The following GPATCH2 variants were observed in gnomAD, a reference collection of about 807,000 sequenced individuals.
The protein encoded by GPATCH2 is G patch domain-containing protein 2.
Under a neutral mutation model 58.0 loss-of-function variants are expected in GPATCH2, and 51 were observed. The observed-to-expected ratio is 0.88, with a 90% CI of 0.70 to 1.11. The LOEUF is 1.11. GPATCH2 is among the 50% of genes most tolerant of loss of function. The pLI, the probability that GPATCH2 is intolerant of heterozygous loss-of-function variation, is 0.00. For missense variants in GPATCH2, 625 were observed against 652.2 expected (o/e 0.96, Z 0.45); for synonymous variants, 222 against 218.5 (o/e 1.02, Z -0.14).
At position 217,620,186 on chromosome 1, in the gene GPATCH2, C is replaced by T; in HGVS notation, c.370G>A (p.Ala124Thr). The T allele has an allele frequency of 6.2e-7, 1 of 1,613,582 alleles. No individual in the cohort carries two copies. Among genetic ancestry groups the T allele is most frequent in the Non-Finnish European group, 8.5e-7 (1 of 1,179,900 alleles). The part of the protein sequence containing the change: ...HSDSDDQMLV[A>T]KRRPSSNLNN... ...AAGTTTGATGACGGCCTGCGCTTTG[C>T]TACTAACATTTGGTCATCAGAGTCA... The change falls in exon 2 of 10, where the codon GCA (alanine) becomes ACA (threonine). Residue 124 changes from alanine to threonine, a missense_variant. Coordinates refer to ENST00000366935, the MANE Select transcript of GPATCH2 (RefSeq NM_018040.5).
intron 5 of GPATCH2, among the ~76,000 whole-genome samples, chr1:217,543,268 C>A (rs1664845091): frequency 7.6e-6 from 1 of 132,022 alleles, no homozygotes; most frequent in Non-Finnish European, 1.6e-5. Flanking sequence ...ATGATGCGAA[C>A]GTTTTTTTTT....
intron 9 of GPATCH2, among the ~76,000 whole-genome samples, chr1:217,440,016 G>A (rs1438841238): frequency 6.6e-6 from 1 of 152,220 alleles, no homozygotes; most frequent in Non-Finnish European, 1.5e-5. Context: ...CTCATTTTAT[G>A]AGGCCAGGAT....
chr1:217,613,185 C>T (rs2102821313), intron 3 of GPATCH2, among the ~76,000 whole-genome samples: 1 of 152,144 alleles, frequency 6.6e-6, no homozygotes, highest in South Asian at 2.1e-4. Flanking sequence ...AAAGTATCAA[C>T]TTTAAAGTCC....
At chr1:217,549,076 C>T (rs1182410077) in intron 5 of GPATCH2, among the ~76,000 whole-genome samples, 1 of 152,074 alleles carries the variant, frequency 6.6e-6, no homozygotes, top group African/African-American at 2.4e-5. Context: ...TTCTTTTCCT[C>T]CTTCTATACA....
chr1:217,554,732 G>A (rs1665537166), intron 5 of GPATCH2, among the ~76,000 whole-genome samples: 1 of 152,070 alleles, frequency 6.6e-6, no homozygotes, highest in Non-Finnish European at 1.5e-5. Context: ...TAAAAAACAA[G>A]TACTTTGATA....
chr1:217,572,056 GAA>G (rs1253902330), intron 5 of GPATCH2, among the ~76,000 whole-genome samples: 13 of 151,902 alleles, frequency 8.6e-5, no homozygotes, highest in Admixed American at 8.5e-4. Flanking sequence ...GAGAGGGAGA[GAA>G]ATTAGGTGAT....
chr1:217,567,570 T>C (rs751075382), intron 5 of GPATCH2, among the ~76,000 whole-genome samples: 2 of 152,244 alleles, frequency 1.3e-5, no homozygotes, highest in Non-Finnish European at 2.9e-5. Context: ...ATTTGCTTTA[T>C]GAACACACAG....
chr1:217,559,219 A>G (rs1484443265), intron 5 of GPATCH2, among the ~76,000 whole-genome samples: 1 of 151,952 alleles, frequency 6.6e-6, no homozygotes, highest in Non-Finnish European at 1.5e-5. Flanking sequence ...TTTACGTACT[A>G]GATCTAGAAT....
chr1:217,500,038 T>A (rs1036168795), intron 6 of GPATCH2, among the ~76,000 whole-genome samples: 2 of 152,152 alleles, frequency 1.3e-5, no homozygotes, highest in African/African-American at 4.8e-5. Flanking sequence ...AATTATAGCA[T>A]CTTTTTGATT....
chr1:217,595,751 C>T (rs752922318), intron 5 of GPATCH2, among the ~76,000 whole-genome samples: 1 of 152,112 alleles, frequency 6.6e-6, no homozygotes, highest in Non-Finnish European at 1.5e-5. Flanking sequence ...CCACGCATCT[C>T]AGCCTCCCAA....
chr1:217,601,515 T>C (rs1383543203), intron 5 of GPATCH2, among the ~76,000 whole-genome samples: 1 of 152,094 alleles, frequency 6.6e-6, no homozygotes, highest in Non-Finnish European at 1.5e-5. Flanking sequence ...CTATCCATAC[T>C]GACATTTAAA....
At chr1:217,557,259 T>C (rs1216765849) in intron 5 of GPATCH2, among the ~76,000 whole-genome samples, 1 of 151,926 alleles carries the variant, frequency 6.6e-6, no homozygotes, top group Non-Finnish European at 1.5e-5. Context: ...ATACAAAAAT[T>C]GGCTGGGCGT....
intron 5 of GPATCH2, among the ~76,000 whole-genome samples, chr1:217,525,756 T>C (rs1393179515): frequency 6.6e-6 from 1 of 152,130 alleles, no homozygotes; most frequent in Non-Finnish European, 1.5e-5. Flanking sequence ...AATACGGTAG[T>C]GAAGATAATG....
intron 5 of GPATCH2, among the ~76,000 whole-genome samples, chr1:217,585,405 G>A (rs1288576581): frequency 1.3e-5 from 2 of 152,100 alleles, no homozygotes; most frequent in East Asian, 1.9e-4. Flanking sequence ...GGCAAATCAC[G>A]AGGTCGAGAG....
intron 5 of GPATCH2, among the ~76,000 whole-genome samples, chr1:217,534,993 C>T (rs1180874203): frequency 1.3e-5 from 2 of 152,144 alleles, no homozygotes; most frequent in East Asian, 1.9e-4. Flanking sequence ...GTAAAACCTG[C>T]TTTATAGGGC....
chr1:217,474,894 TACTA>T (rs540730120), intron 8 of GPATCH2, among the ~76,000 whole-genome samples: 2 of 152,088 alleles, frequency 1.3e-5, no homozygotes, highest in Non-Finnish European at 2.9e-5. Context: ...CTATTAAAAA[TACTA>T]AGAAAGAAAA....
Position 217,605,768 on chromosome 1 carries a change from T to C in GPATCH2, c.1098+4553A>G, listed in dbSNP as rs1005785788. On this transcript the variant is annotated intron_variant, in intron 5 of 9. Transcript: ENST00000366935. ...ATAGGAATAGGATATATCTTGGCTA[T>C]CTGGAATGTATGCTTACATAAGGTT... Among the ~76,000 whole-genome samples the C allele has an allele frequency of 5.3e-5, 8 of 152,336 alleles. No homozygotes were observed. In the South Asian group the frequency reaches 1.7e-3, roughly 32 times the overall value.
chr1:217,625,325 G>T (rs1035094384), intron 1 of GPATCH2, among the ~76,000 whole-genome samples: 8 of 152,114 alleles, frequency 5.3e-5, no homozygotes, highest in African/African-American at 1.9e-4. Flanking sequence ...TCTGGTTCAA[G>T]GAAGAAGAAT....
At chr1:217,570,371 C>T (rs574472177) in intron 5 of GPATCH2, among the ~76,000 whole-genome samples, 1 of 152,232 alleles carries the variant, frequency 6.6e-6, no homozygotes, top group African/African-American at 2.4e-5. Context: ...CCTCGGCCTC[C>T]CAAAGTGCTG....
Sources: allele counts gnomAD v4.1 joint callset (sites outside exome capture counted in the v4.1 genomes callset), GRCh38; gene constraint gnomAD v4.1.1; transcripts MANE v1.5; gene names NCBI Gene and HGNC (gene_info 2026-07-23, HGNC 2026-07-21).